The following INTU variants were observed in gnomAD, a reference collection of about 807,000 sequenced individuals.
INTU encodes the protein protein inturned.
Under a neutral mutation model 100.5 loss-of-function variants are expected in INTU, and 68 were observed. That is an observed-to-expected ratio of 0.68 (90% CI 0.56 to 0.83). The LOEUF is 0.83. INTU is among the 40% of genes least tolerant of loss of function. The pLI, the probability that INTU is intolerant of heterozygous loss-of-function variation, is 0.00. For missense variants in INTU, 1,071 were observed against 1,114.7 expected (o/e 0.96, Z 0.56); for synonymous variants, 357 against 395.7 (o/e 0.90, Z 1.16).
In INTU at chr4:127,720,651, C is replaced by T. The variant is rs536170805; in HGVS notation, c.*4215C>T. The T allele has an allele frequency of 2.9e-4, 44 of 152,256 alleles. No individual in the cohort carries two copies. Among genetic ancestry groups the T allele is most frequent in the African/African-American group, 1.0e-3 (43 of 41,554 alleles). 9.4% of individuals were successfully genotyped at this position (152,256 alleles called of 1,614,324 possible). A position where few individuals can be genotyped will look rare whatever the true frequency, so the allele number is the denominator to read the frequency against. On this transcript the variant is annotated 3_prime_UTR_variant, in exon 16 of 16. Transcript: ENST00000335251. ...GTCTCTAAGAACTTGTTTTATGAAT[C>T]TGAGTGCTCCTATATTAGGTGCATA... is the stretch of plus-strand genomic sequence containing the variant.
chr4:127,712,447 T>C (rs1207981945), intron 14 of INTU, among the ~76,000 whole-genome samples: 2 of 152,196 alleles, frequency 1.3e-5, no homozygotes, highest in Non-Finnish European at 2.9e-5. Context: ...TAAATTAGTT[T>C]TCCCCATCTT....
In INTU at chr4:127,724,836, A is replaced by C. The variant is rs1018368019; in HGVS notation, c.*8400A>C. 1.3e-5 allele frequency: 2 copies of C among 152,228 alleles called. No individual in the cohort carries two copies. The highest frequency in any genetic ancestry group is 4.8e-5 in the African/African-American group (2 of 41,462). The allele number at this position is 152,228 out of a possible 1,614,324, so 9.4% of individuals were successfully genotyped here. Reference sequence around the variant, plus strand: ...TGTACCATTTGAGTCATTTGGTCTTAAAAGAAACACTATTATCACTGTGTC... The same window carrying C: ...TGTACCATTTGAGTCATTTGGTCTTCAAAGAAACACTATTATCACTGTGTC... On this transcript the variant is annotated 3_prime_UTR_variant, in exon 16 of 16. Coordinates refer to ENST00000335251, the MANE Select transcript of INTU (RefSeq NM_015693.4).
chr4:127,685,396 C>T (rs1175628632), intron 7 of INTU: 1 of 453,304 alleles, frequency 2.2e-6, no homozygotes, highest in Non-Finnish European at 4.4e-6. Flanking sequence ...GTGATATCAG[C>T]TCTCTGTTTA....
chr4:127,693,680 C>T (rs981893692), intron 8 of INTU, among the ~76,000 whole-genome samples: 3 of 152,020 alleles, frequency 2.0e-5, no homozygotes, highest in African/African-American at 7.2e-5. Context: ...TTCAACTTTT[C>T]CCCATTCAGT....
chr4:127,711,212 TTAAA>T, intron 14 of INTU, 110 bp downstream of exon 14: 1 of 826,492 alleles, frequency 1.2e-6, no homozygotes, highest in Non-Finnish European at 1.8e-6. Flanking sequence ...TTAAGTTTTT[TTAAA>T]TAGTCACTTA....
At chr4:127,707,392 C>CAAAA (rs71587331) in intron 12 of INTU, among the ~76,000 whole-genome samples, 15 of 44,564 alleles carry the variant, frequency 3.4e-4, no homozygotes, top group South Asian at 2.6e-3. Flanking sequence ...GACTCTGTCT[C>CAAAA]AAAAAAAAAA....
At chr4:127,680,337 T>C (rs1333696851) in intron 6 of INTU, among the ~76,000 whole-genome samples, 1 of 149,404 alleles carries the variant, frequency 6.7e-6, no homozygotes, top group African/African-American at 2.5e-5. Context: ...TTGATGAACA[T>C]TGATGCAAAA....
chr4:127,708,022 T>C (rs939023740), intron 12 of INTU, among the ~76,000 whole-genome samples: 1 of 152,192 alleles, frequency 6.6e-6, no homozygotes, highest in Non-Finnish European at 1.5e-5. Flanking sequence ...AGAATACTTT[T>C]GGACCCCTAA....
chr4:127,678,216 G>A (rs1729328057), intron 6 of INTU, among the ~76,000 whole-genome samples: 1 of 152,054 alleles, frequency 6.6e-6, no homozygotes, highest in South Asian at 2.1e-4. Context: ...ATCTAGCAAG[G>A]CAGGCCAACA....
At chr4:127,677,719 T>G (rs1401370179) in intron 6 of INTU, among the ~76,000 whole-genome samples, 2 of 152,058 alleles carry the variant, frequency 1.3e-5, no homozygotes, top group East Asian at 3.9e-4. Flanking sequence ...GGAACGCAGC[T>G]CCTCACCAGC....
At chr4:127,644,479 C>T (rs992062856) in intron 2 of INTU, among the ~76,000 whole-genome samples, 1 of 152,086 alleles carries the variant, frequency 6.6e-6, no homozygotes, top group Non-Finnish European at 1.5e-5. Context: ...CACTTGAGTA[C>T]ACTAAGTTCT....
chr4:127,698,290 A>G (rs941387845), intron 8 of INTU, among the ~76,000 whole-genome samples: 2 of 151,916 alleles, frequency 1.3e-5, no homozygotes, highest in East Asian at 3.9e-4. Flanking sequence ...GTGAAACCCC[A>G]TCTCTACTAA....
At chr4:127,687,520 A>G (rs1729878793) in intron 7 of INTU, 158 bp from the exon 8 acceptor site, 1 of 559,704 alleles carries the variant, frequency 1.8e-6, no homozygotes, top group South Asian at 2.9e-5. Flanking sequence ...TTCTTTACAC[A>G]ATCCGTCAGT....
chr4:127,677,372 C>G (rs1729268468), intron 6 of INTU, among the ~76,000 whole-genome samples: 1 of 150,748 alleles, frequency 6.6e-6, no homozygotes, highest in Non-Finnish European at 1.5e-5. Context: ...AGACTGACAC[C>G]TCACACAGCA....
At chr4:127,658,287 C>T (rs1258014485) in intron 3 of INTU, among the ~76,000 whole-genome samples, 2 of 151,934 alleles carry the variant, frequency 1.3e-5, no homozygotes, top group African/African-American at 4.8e-5. Context: ...ACTATGGTAG[C>T]TGAGACCAGC....
chr4:127,711,893 A>G (rs1272875221), intron 14 of INTU, among the ~76,000 whole-genome samples: 1 of 152,158 alleles, frequency 6.6e-6, no homozygotes, highest in Non-Finnish European at 1.5e-5. Flanking sequence ...TTGCTTTTCT[A>G]TCCAGGATGA....
intron 2 of INTU, among the ~76,000 whole-genome samples, chr4:127,654,631 C>A (rs1241488838): frequency 2.0e-5 from 3 of 151,438 alleles, no homozygotes; most frequent in South Asian, 2.1e-4. Flanking sequence ...GGTAACCCGA[C>A]CTTTCTCTCT....
intron 3 of INTU, among the ~76,000 whole-genome samples, chr4:127,661,729 A>G (rs1728485884): frequency 6.6e-6 from 1 of 152,178 alleles, no homozygotes; most frequent in African/African-American, 2.4e-5. Context: ...GAACACCACC[A>G]AAGTCTTCCA....
At chr4:127,672,391 C>T (rs866651304) in intron 5 of INTU, among the ~76,000 whole-genome samples, 4 of 150,386 alleles carry the variant, frequency 2.7e-5, no homozygotes, top group Middle Eastern at 3.6e-3. Context: ...TGGCTTCTTT[C>T]ATTTAGCATA....
Sources: gnomAD v4.1 joint callset for allele counts (sites outside exome capture counted in the v4.1 genomes callset) on GRCh38, gnomAD v4.1.1 for gene constraint, MANE v1.5 for transcripts, NCBI Gene and HGNC (gene_info 2026-07-23, HGNC 2026-07-21) for gene names.